The following CLDN16 variants were observed in gnomAD, a reference collection of about 807,000 sequenced individuals.
CLDN16 encodes the protein claudin-16.
In CLDN16, 13 loss-of-function variants were observed where a neutral mutation model predicts 24.6. The observed-to-expected ratio is 0.53, with a 90% CI of 0.34 to 0.84. The LOEUF is 0.84. Among genes scored for constraint, CLDN16 ranks in the 40% least tolerant of loss-of-function variants. CLDN16 has a pLI of 0.01. For missense variants in CLDN16, 298 were observed against 292.7 expected (o/e 1.02, Z -0.13); for synonymous variants, 116 against 106.7 (o/e 1.09, Z -0.54).
At chr3:190,371,110 T>C (rs1718133396) in intron 2 of CLDN16, 1 of 148,224 alleles carries the variant, frequency 6.7e-6, no homozygotes, top group African/African-American at 2.5e-5. Context: ...ATAATATATA[T>C]ATATTTATCC....
intron 1 of CLDN16, among the ~76,000 whole-genome samples, chr3:190,390,977 A>G (rs1037530722): frequency 6.6e-6 from 1 of 152,046 alleles, no homozygotes; most frequent in Admixed American, 6.6e-5. Context: ...TGTAAGAACA[A>G]GGACTTTCTC....
chr3:190,293,283 C>A, the CLDN16 span, among the ~76,000 whole-genome samples: 4 of 152,118 alleles, frequency 2.6e-5, no homozygotes, highest in Admixed American at 6.6e-5. Flanking sequence ...GGGGAACCAC[C>A]CCCATGATCC....
chr3:190,340,267 C>T (rs551869116), intron 1 of CLDN16, among the ~76,000 whole-genome samples: 10 of 152,190 alleles, frequency 6.6e-5, no homozygotes, highest in Non-Finnish European at 1.5e-4. Flanking sequence ...AGGATGCCTA[C>T]TGTATTAGTC....
chr3:190,396,541 G>A (rs981683966), intron 1 of CLDN16, among the ~76,000 whole-genome samples: 5 of 152,118 alleles, frequency 3.3e-5, no homozygotes, highest in Non-Finnish European at 5.9e-5. Context: ...AAGAGTAAGA[G>A]ACTGTATGCT....
chr3:190,365,187 T>C (rs1717993844), intron 1 of CLDN16, among the ~76,000 whole-genome samples: 1 of 151,876 alleles, frequency 6.6e-6, no homozygotes, highest in Non-Finnish European at 1.5e-5. Flanking sequence ...ACAATCATTA[T>C]ATGTCCTTGC....
intron 1 of CLDN16, 62 bp from the exon 2 acceptor site, chr3:190,402,275 T>A (rs1437256474): frequency 1.6e-6 from 2 of 1,279,558 alleles, no homozygotes; most frequent in East Asian, 4.6e-5. Context: ...CTCTTTTTGA[T>A]CAAGGGGAAC....
intron 1 of CLDN16, among the ~76,000 whole-genome samples, chr3:190,399,894 G>A (rs1262707399): frequency 6.6e-6 from 1 of 152,126 alleles, no homozygotes; most frequent in Non-Finnish European, 1.5e-5. Context: ...CGGATCAGCG[G>A]CAGTATTCGA....
the CLDN16 span, among the ~76,000 whole-genome samples, chr3:190,304,532 A>G: frequency 6.6e-6 from 1 of 152,206 alleles, no homozygotes; most frequent in African/African-American, 2.4e-5. Context: ...GGATTTCCAG[A>G]GTTTCCAGAG....
chr3:190,363,676 TA>T (rs1717957187), intron 1 of CLDN16, among the ~76,000 whole-genome samples: 1 of 149,540 alleles, frequency 6.7e-6, no homozygotes, highest in Non-Finnish European at 1.5e-5. Context: ...GCTGCAGCTG[TA>T]GCTGTAGATA....
chr3:190,331,651 T>C (rs967152772), intron 1 of CLDN16, among the ~76,000 whole-genome samples: 2 of 152,202 alleles, frequency 1.3e-5, no homozygotes, highest in African/African-American at 4.8e-5. Flanking sequence ...TTGTCACAGT[T>C]CTAAAATGTA....
At chr3:190,291,769 A>C in the CLDN16 span, among the ~76,000 whole-genome samples, 2 of 152,330 alleles carry the variant, frequency 1.3e-5, no homozygotes, top group East Asian at 3.9e-4. Context: ...GGATACAGGC[A>C]CTGGGTAAAT....
At chr3:190,387,880 G>T, upstream of CLDN16, 2 of 561,454 alleles carry the variant, frequency 3.6e-6, no homozygotes, top group Non-Finnish European at 3.2e-6. Context: ...GCCTTCTTCC[G>T]AGTGGGGAGG....
At chr3:190,386,660 G>A (rs2108656905), upstream of CLDN16, among the ~76,000 whole-genome samples, 1 of 152,224 alleles carries the variant, frequency 6.6e-6, no homozygotes, top group South Asian at 2.1e-4. Flanking sequence ...AATTTTTGCA[G>A]ACCATGATTA....
chr3:190,317,516 A>T, the CLDN16 span, among the ~76,000 whole-genome samples: 1 of 152,236 alleles, frequency 6.6e-6, no homozygotes, highest in African/African-American at 2.4e-5. Flanking sequence ...AGAAAGACAG[A>T]CATATATGTA....
At chr3:190,323,336 C>G (rs564682608) in intron 1 of CLDN16, among the ~76,000 whole-genome samples, 2 of 152,138 alleles carry the variant, frequency 1.3e-5, no homozygotes, top group South Asian at 4.1e-4. Flanking sequence ...ATGTAAACAG[C>G]GTTTCCCCAG....
chr3:190,323,733 C>G (rs1388549442), intron 1 of CLDN16, among the ~76,000 whole-genome samples: 1 of 152,148 alleles, frequency 6.6e-6, no homozygotes, highest in Non-Finnish European at 1.5e-5. Context: ...GAAGAAAGGC[C>G]AAGCCCCACC....
chr3:190,354,906 G>T (rs954649176), intron 1 of CLDN16, among the ~76,000 whole-genome samples: 2 of 151,892 alleles, frequency 1.3e-5, no homozygotes, highest in African/African-American at 4.8e-5. Context: ...CTTTCCTTTT[G>T]CTCAGAGTAA....
chr3:190,408,167 T>A lies in CLDN16; in HGVS notation c.383-147T>A. Reference sequence around the variant, plus strand: ...AGGCAAAAGGAAGAGACAGAAGAAGTGTCCGAAGTTCGGGTTGCCCATGAA... The same window carrying A: ...AGGCAAAAGGAAGAGACAGAAGAAGAGTCCGAAGTTCGGGTTGCCCATGAA... On this transcript the variant is annotated intron_variant, in intron 3 of 4. Coordinates refer to ENST00000264734, the MANE Select transcript of CLDN16 (RefSeq NM_006580.4). 5 of 778,148 alleles carry A rather than the reference T, an allele frequency of 6.4e-6. No homozygotes were observed. The South Asian group carries it at 7.1e-5, about 11-fold the overall frequency. 48.2% of individuals were successfully genotyped at this position (778,148 alleles called of 1,614,324 possible).
At chr3:190,359,353 G>A (rs992209296) in intron 1 of CLDN16, among the ~76,000 whole-genome samples, 22 of 151,980 alleles carry the variant, frequency 1.4e-4, no homozygotes, top group African/African-American at 5.1e-4. Context: ...ATGCAGTATT[G>A]TCACTCAGTT....
Sources: gnomAD v4.1 joint callset for allele counts (sites outside exome capture counted in the v4.1 genomes callset) on GRCh38, gnomAD v4.1.1 for gene constraint, MANE v1.5 for transcripts, NCBI Gene and HGNC (gene_info 2026-07-23, HGNC 2026-07-21) for gene names.